Variants in ADGRL3 observed in about 807,000 individuals in gnomAD.
ADGRL3 encodes the protein calcium-independent alpha-latrotoxin receptor 3.
ADGRL3 carries 62 observed loss-of-function variants against 153.5 expected under a neutral mutation model. The observed-to-expected ratio is 0.40, with a 90% CI of 0.33 to 0.50. The LOEUF (loss-of-function observed/expected upper bound fraction) is 0.50. Ranked by LOEUF, ADGRL3 falls within the 20% of genes least tolerant of loss-of-function variation. The probability of loss-of-function intolerance (pLI) is 0.47; values close to 1 mark genes in which losing one functional copy is unlikely to be tolerated. For synonymous variants in ADGRL3, 710 were observed against 672.5 expected (o/e 1.06, Z -0.86); for missense variants, 1,641 against 1,859.4 (o/e 0.88, Z 2.16).
intron 5 of ADGRL3, among the ~76,000 whole-genome samples, chr4:61,604,395 T>C (rs1462828101): frequency 6.6e-6 from 1 of 152,204 alleles, no homozygotes; most frequent in Non-Finnish European, 1.5e-5. Context: ...GTATTATTGC[T>C]CTGGAATAAA....
At chr4:61,233,996 G>A (rs530802716) in intron 1 of ADGRL3, among the ~76,000 whole-genome samples, 1 of 152,212 alleles carries the variant, frequency 6.6e-6, no homozygotes, top group East Asian at 1.9e-4. Flanking sequence ...TGAAAAAATT[G>A]ATGGGAAAGG....
intron 9 of ADGRL3, among the ~76,000 whole-genome samples, chr4:61,849,339 G>A (rs1321000053): frequency 6.6e-6 from 1 of 152,118 alleles, no homozygotes; most frequent in Non-Finnish European, 1.5e-5. Flanking sequence ...CATTACCAAT[G>A]AAGTATTGTT....
chr4:61,315,952 A>T (rs2095195967), intron 1 of ADGRL3, among the ~76,000 whole-genome samples: 1 of 152,154 alleles, frequency 6.6e-6, no homozygotes, highest in East Asian at 1.9e-4. Flanking sequence ...TTTATTGAGC[A>T]CCTACTATGT....
chr4:61,647,726 C>A (rs568641155), intron 5 of ADGRL3, among the ~76,000 whole-genome samples: 1 of 152,020 alleles, frequency 6.6e-6, no homozygotes, highest in African/African-American at 2.4e-5. Flanking sequence ...TAACAATAGA[C>A]TTTTCACACT....
chr4:61,240,694 G>A (rs535034159), intron 1 of ADGRL3, among the ~76,000 whole-genome samples: 1 of 152,058 alleles, frequency 6.6e-6, no homozygotes, highest in South Asian at 2.1e-4. Flanking sequence ...GTTTGCTAGG[G>A]ATATACTCAT....
chr4:61,851,879 G>A (rs766328294), intron 9 of ADGRL3, among the ~76,000 whole-genome samples: 37 of 152,224 alleles, frequency 2.4e-4, no homozygotes, highest in Non-Finnish European at 4.4e-4. Context: ...GTCAATATAC[G>A]ATAATAGACT....
intron 2 of ADGRL3, among the ~76,000 whole-genome samples, chr4:61,417,702 G>T (rs1272846535): frequency 4.4e-5 from 1 of 22,562 alleles, no homozygotes. Flanking sequence ...TATGCCAAAT[G>T]ACTTTTTTTT....
At chr4:61,739,824 C>T (rs999255558) in intron 8 of ADGRL3, among the ~76,000 whole-genome samples, 2 of 152,002 alleles carry the variant, frequency 1.3e-5, no homozygotes, top group African/African-American at 4.8e-5. Flanking sequence ...TACATTAATA[C>T]GTAATGTGTT....
intron 9 of ADGRL3, among the ~76,000 whole-genome samples, chr4:61,866,217 G>C (rs2098398807): frequency 6.6e-6 from 1 of 152,106 alleles, no homozygotes; most frequent in South Asian, 2.1e-4. Context: ...TCTCTGCTTT[G>C]TCCTCAGACT....
chr4:61,268,229 A>G (rs2092965166), intron 1 of ADGRL3, among the ~76,000 whole-genome samples: 1 of 151,700 alleles, frequency 6.6e-6, no homozygotes, highest in African/African-American at 2.4e-5. Flanking sequence ...AATTGCTTCA[A>G]TTATTTCAAA....
chr4:61,631,739 C>G (rs1401020361), intron 5 of ADGRL3, among the ~76,000 whole-genome samples: 1 of 152,062 alleles, frequency 6.6e-6, no homozygotes, highest in Non-Finnish European at 1.5e-5. Context: ...ACACTTGTTA[C>G]TCAACTAAAA....
chr4:61,267,273 G>A (rs1308605727), intron 1 of ADGRL3, among the ~76,000 whole-genome samples: 1 of 151,650 alleles, frequency 6.6e-6, no homozygotes, highest in Non-Finnish European at 1.5e-5. Context: ...TTTCAAGGAA[G>A]GTCATAGCTG....
At chr4:61,482,587 C>A (rs1387676296) in intron 2 of ADGRL3, among the ~76,000 whole-genome samples, 1 of 152,064 alleles carries the variant, frequency 6.6e-6, no homozygotes, top group African/African-American at 2.4e-5. Flanking sequence ...ACTGAAACAT[C>A]AATGTATTTT....
At chr4:61,928,758 G>C (rs1484437630) in intron 13 of ADGRL3, among the ~76,000 whole-genome samples, 1 of 152,086 alleles carries the variant, frequency 6.6e-6, no homozygotes, top group Non-Finnish European at 1.5e-5. Flanking sequence ...AAATCATGGT[G>C]ATATCTGAAC....
At chr4:61,361,010 C>G (rs2096274293) in intron 1 of ADGRL3, among the ~76,000 whole-genome samples, 1 of 152,148 alleles carries the variant, frequency 6.6e-6, no homozygotes, top group African/African-American at 2.4e-5. Context: ...ACCCACAAAA[C>G]ACTATTAATC....
rs1008136496 is a variant in ADGRL3, at chr4:61,768,051, T to G, written c.1399+34497T>G. ...TTTTAGGGGCTAGGGCTGTAAAGTG[T>G]CTCAGGGTTGCTGCCAAACGAGCCA... On this transcript the variant is annotated intron_variant, in intron 8 of 26. Coordinates refer to ENST00000683033, the MANE Select transcript of ADGRL3 (RefSeq NM_001387552.1). Among the ~76,000 whole-genome samples, 56 of 152,196 alleles carry G rather than the reference T, an allele frequency of 3.7e-4. 1 individual carries two copies. The highest frequency in any genetic ancestry group is 1.3e-3 in the African/African-American group (54 of 41,502).
At chr4:61,719,646 A>G (rs2096198975) in intron 6 of ADGRL3, among the ~76,000 whole-genome samples, 1 of 141,992 alleles carries the variant, frequency 7.0e-6, no homozygotes, top group Admixed American at 7.4e-5. Context: ...CCGGTCACCC[A>G]GGCTAGAGTG....
chr4:61,295,894 G>A (rs1392011361), intron 1 of ADGRL3, among the ~76,000 whole-genome samples: 5 of 151,976 alleles, frequency 3.3e-5, no homozygotes, highest in Admixed American at 6.6e-5. Context: ...GATCGCTTGC[G>A]TCCAAGAGTG....
intron 21 of ADGRL3, among the ~76,000 whole-genome samples, chr4:62,003,138 G>T (rs2099146246): frequency 6.6e-6 from 1 of 152,114 alleles, no homozygotes; most frequent in Non-Finnish European, 1.5e-5. Flanking sequence ...GTGCCTATGT[G>T]AAGGGAACAC....
Sources: gnomAD v4.1 joint callset for allele counts (sites outside exome capture counted in the v4.1 genomes callset) on GRCh38, gnomAD v4.1.1 for gene constraint, MANE v1.5 for transcripts, NCBI Gene and HGNC (gene_info 2026-07-23, HGNC 2026-07-21) for gene names.